GPC6: variants seen among roughly 807,000 people sequenced by gnomAD.
The protein encoded by GPC6 is glypican-6.
A neutral mutation model predicts 55.2 loss-of-function variants in GPC6; 14 were observed. That is an observed-to-expected ratio of 0.25 (90% CI 0.17 to 0.40). The LOEUF (loss-of-function observed/expected upper bound fraction) is 0.40, where lower values mean the gene tolerates loss of function less well. Ranked by LOEUF, GPC6 falls within the 10% of genes least tolerant of loss-of-function variation. GPC6 has a pLI of 1.00. For synonymous variants in GPC6, 278 were observed against 259.6 expected (o/e 1.07, Z -0.68); for missense variants, 641 against 708.5 (o/e 0.90, Z 1.08).
At chr13:94,208,482 T>C (rs1464563545) in intron 4 of GPC6, among the ~76,000 whole-genome samples, 3 of 151,978 alleles carry the variant, frequency 2.0e-5, no homozygotes, top group Non-Finnish European at 4.4e-5. Flanking sequence ...TTGATGTACG[T>C]CTTTAAAAAA....
At position 93,723,821 on chromosome 13, in the gene GPC6, T is replaced by C. The variant is rs79506236; in HGVS notation, c.320-106333T>C. On this transcript the variant is annotated intron_variant, in intron 2 of 8. Transcript: ENST00000377047. ...GATTGTTGAATAAGAAAGTCAGAGGTAGCAAGGAAAATGTGTATTTAGTTC... is the reference window on the plus strand; with the variant it reads ...GATTGTTGAATAAGAAAGTCAGAGGCAGCAAGGAAAATGTGTATTTAGTTC... Among the ~76,000 whole-genome samples the C allele has an allele frequency of 7.2e-3, 1,098 of 152,014 alleles. 14 individuals carry two copies. Among genetic ancestry groups the C allele is most frequent in the African/African-American group, 0.025 (1,046 of 41,490 alleles).
At chr13:94,317,401 C>A (rs11839883) in intron 6 of GPC6, among the ~76,000 whole-genome samples, 63,565 of 151,612 alleles carry the variant, frequency 0.42, 13,599 homozygotes, top group African/African-American at 0.46. Flanking sequence ...AATGCTAGAA[C>A]AAAAGGGTAA....
At chr13:93,446,157 G>A (rs1287658726) in intron 1 of GPC6, among the ~76,000 whole-genome samples, 1 of 152,004 alleles carries the variant, frequency 6.6e-6, no homozygotes, top group African/African-American at 2.4e-5. Context: ...ACTTCCTAAG[G>A]TTAAACCTTC....
At chr13:94,343,195 A>G (rs1488852851) in intron 6 of GPC6, among the ~76,000 whole-genome samples, 7 of 152,134 alleles carry the variant, frequency 4.6e-5, no homozygotes. Flanking sequence ...TATTGATTCT[A>G]TGGCTCTGGC....
At position 94,029,956 on chromosome 13, in the gene GPC6, C is replaced by T. The variant is rs144080388; in HGVS notation, c.877+2062C>T. On this transcript the variant is annotated intron_variant, in intron 4 of 8. Transcript: ENST00000377047. Reference sequence around the variant, plus strand: ...TGGATGTACTTTAATGAAAAGCAAGCGTGGTGGTTCGTCCTATATGAACGT... The same window carrying T: ...TGGATGTACTTTAATGAAAAGCAAGTGTGGTGGTTCGTCCTATATGAACGT... Among the ~76,000 whole-genome samples, 122 of 151,350 alleles carry T rather than the reference C, an allele frequency of 8.1e-4. 1 individual carries two copies. The highest frequency in any genetic ancestry group is 2.9e-3 in the African/African-American group (120 of 41,264).
intron 4 of GPC6, among the ~76,000 whole-genome samples, chr13:94,145,137 G>GTGGATGGATGGGTGGA (rs1887516001): frequency 6.7e-6 from 1 of 149,878 alleles, no homozygotes; most frequent in East Asian, 2.0e-4. Flanking sequence ...GGATGGATGG[G>GTGGATGGATGGGTGGA]TGGATGGATG....
chr13:93,709,639 G>A (rs1242820850), intron 2 of GPC6, among the ~76,000 whole-genome samples: 1 of 151,772 alleles, frequency 6.6e-6, no homozygotes, highest in Non-Finnish European at 1.5e-5. Flanking sequence ...TAAAATGAAA[G>A]CAGGAAATTC....
chr13:94,089,849 G>A (rs1204691647), intron 4 of GPC6, among the ~76,000 whole-genome samples: 1 of 151,896 alleles, frequency 6.6e-6, no homozygotes, highest in South Asian at 2.1e-4. Context: ...TTAGCAAGCA[G>A]GCAAATTTGC....
At chr13:94,377,962 C>T (rs1221222569) in intron 6 of GPC6, among the ~76,000 whole-genome samples, 23 of 152,140 alleles carry the variant, frequency 1.5e-4, no homozygotes, top group Admixed American at 8.5e-4. Flanking sequence ...AACCAAACAC[C>T]GCATATTCTC....
intron 2 of GPC6, among the ~76,000 whole-genome samples, chr13:93,675,846 T>C (rs1881565887): frequency 6.6e-6 from 1 of 152,060 alleles, no homozygotes; most frequent in East Asian, 1.9e-4. Flanking sequence ...ATCCCATAAC[T>C]GTTTGATTTT....
intron 6 of GPC6, among the ~76,000 whole-genome samples, chr13:94,356,867 A>G (rs1878822959): frequency 6.6e-6 from 1 of 152,118 alleles, no homozygotes; most frequent in Non-Finnish European, 1.5e-5. Context: ...GCACCACTGG[A>G]CTCTGGCCTG....
chr13:93,425,732 T>C (rs894447456), intron 1 of GPC6, among the ~76,000 whole-genome samples: 1 of 152,184 alleles, frequency 6.6e-6, no homozygotes, highest in Non-Finnish European at 1.5e-5. Context: ...TGCAAACCTC[T>C]CACCATTTCC....
intron 4 of GPC6, among the ~76,000 whole-genome samples, chr13:94,074,021 C>G (rs1010930280): frequency 1.4e-4 from 21 of 152,264 alleles, no homozygotes; most frequent in Middle Eastern, 6.8e-3. Flanking sequence ...TTGCATCTGG[C>G]AGAGTTTCTG....
At chr13:94,142,535 C>T (rs1887417389) in intron 4 of GPC6, among the ~76,000 whole-genome samples, 1 of 152,094 alleles carries the variant, frequency 6.6e-6, no homozygotes, top group African/African-American at 2.4e-5. Context: ...AACAGTTATT[C>T]TGCTTTAAAC....
chr13:93,883,445 T>A (rs1211179672), intron 3 of GPC6, among the ~76,000 whole-genome samples: 1 of 152,194 alleles, frequency 6.6e-6, no homozygotes, highest in African/African-American at 2.4e-5. Flanking sequence ...ACATCTATTT[T>A]TTTTATTTTT....
chr13:94,178,541 T>C (rs1888871084), intron 4 of GPC6, among the ~76,000 whole-genome samples: 1 of 152,230 alleles, frequency 6.6e-6, no homozygotes, highest in African/African-American at 2.4e-5. Flanking sequence ...GTTTCACTCA[T>C]GGGACAGTGG....
chr13:93,614,760 G>A (rs1878645527), intron 2 of GPC6, among the ~76,000 whole-genome samples: 1 of 152,036 alleles, frequency 6.6e-6, no homozygotes, highest in Non-Finnish European at 1.5e-5. Flanking sequence ...ATACTGAAAA[G>A]TAAAGAAAAA....
chr13:94,405,838 C>A lies in GPC6; in HGVS notation c.*2621C>A, dbSNP rs1040791334. The stretch of plus-strand genomic sequence containing the variant: ...TCAAAATATCATTCAAGTTGTACTT[C>A]CTAGTTTTTATCATCATACTACTAT... On this transcript the variant is annotated 3_prime_UTR_variant, in exon 9 of 9. Coordinates refer to ENST00000377047, the MANE Select transcript of GPC6 (RefSeq NM_005708.5). 6.6e-6 allele frequency: 1 copy of A among 152,096 alleles called. No homozygotes were observed. Among genetic ancestry groups the A allele is most frequent in the Non-Finnish European group, 1.5e-5 (1 of 68,010 alleles). 9.4% of individuals were successfully genotyped at this position (152,096 alleles called of 1,614,324 possible).
chr13:93,897,733 C>G (rs141216625), intron 3 of GPC6, among the ~76,000 whole-genome samples: 6 of 152,160 alleles, frequency 3.9e-5, no homozygotes, highest in Admixed American at 6.6e-5. Context: ...TCTGTCCCCC[C>G]CATCTGTTAA....
Sources: gnomAD v4.1 joint callset for allele counts (sites outside exome capture counted in the v4.1 genomes callset) on GRCh38, gnomAD v4.1.1 for gene constraint, MANE v1.5 for transcripts, NCBI Gene and HGNC (gene_info 2026-07-23, HGNC 2026-07-21) for gene names.